Variants in ROS1 observed in about 807,000 individuals in gnomAD.
ROS1 encodes proto-oncogene tyrosine-protein kinase ROS.
In ROS1, 263 loss-of-function variants were observed where a neutral mutation model predicts 273.5. The ratio of observed to expected loss-of-function variants is 0.96; its 90% CI spans 0.87 to 1.06. The LOEUF (loss-of-function observed/expected upper bound fraction) is 1.06, where lower values mean the gene tolerates loss of function less well. Among genes scored for constraint, ROS1 ranks in the 50% least tolerant of loss-of-function variants. ROS1 has a pLI of 0.00. For synonymous variants in ROS1, 1,008 were observed against 954.1 expected, an observed-to-expected ratio of 1.06 and a Z score of -1.04; for missense variants, 2,833 against 2,751.1, an observed-to-expected ratio of 1.03 and a Z score of -0.67.
chr6:117,368,273 T>C (rs1780436208), intron 18 of ROS1, among the ~76,000 whole-genome samples: 1 of 152,150 alleles, frequency 6.6e-6, no homozygotes. Context: ...TTTGGAGTGA[T>C]AGTTTGATTT....
chr6:117,333,397 C>G (rs1777239077), intron 32 of ROS1, among the ~76,000 whole-genome samples: 1 of 152,114 alleles, frequency 6.6e-6, no homozygotes, highest in African/African-American at 2.4e-5. Context: ...GGATTCACAG[C>G]TGAATTCTAC....
Position 117,305,327 on chromosome 6 carries a change from A to G in ROS1, c.6551+3467T>C, listed in dbSNP as rs904552902. On this transcript the variant is annotated intron_variant, in intron 42 of 43. Coordinates refer to ENST00000368507, the MANE Select transcript of ROS1 (RefSeq NM_001378902.1). The stretch of plus-strand genomic sequence containing the variant: ...AAGAAGGAAGAGGAGGCCCGGGAAG[A>G]GGAAGGTGGGGGAAAAAGAAACCAT... 2.0e-5 allele frequency among the ~76,000 whole-genome samples: 3 copies of G among 152,212 alleles called. No individual in the cohort carries two copies. The East Asian group carries it at 5.8e-4, about 29-fold the overall frequency.
chr6:117,306,285 A>AT (rs1554221813), intron 42 of ROS1, among the ~76,000 whole-genome samples: 1 of 152,020 alleles, frequency 6.6e-6, no homozygotes, highest in East Asian at 1.9e-4. Flanking sequence ...AGGTGTACAT[A>AT]TTTTTTTAAG....
chr6:117,335,540 GTA>G (rs1453679954), intron 32 of ROS1, among the ~76,000 whole-genome samples: 1 of 152,130 alleles, frequency 6.6e-6, no homozygotes, highest in Non-Finnish European at 1.5e-5. Flanking sequence ...ACATGCACAT[GTA>G]TGTTTACTGC....
chr6:117,342,829 C>T (rs1261832805), intron 28 of ROS1, among the ~76,000 whole-genome samples: 2 of 152,070 alleles, frequency 1.3e-5, no homozygotes, highest in Non-Finnish European at 2.9e-5. Context: ...ATTTCATTAA[C>T]ATTGTATTAG....
rs748750515 is a variant in ROS1, at chr6:117,366,094, A to C, written c.2779T>G (p.Ser927Ala). The C allele has an allele frequency of 9.3e-6, 15 of 1,613,860 alleles. No homozygotes were observed. The South Asian group carries it at 1.6e-4, about 18-fold the overall frequency. The change falls in exon 19 of 44, where the codon TCC (serine) becomes GCC (alanine). Residue 927 changes from serine to alanine, a missense_variant. Physicochemically the swap from Ser to Ala is moderately conservative, Grantham distance 99. Coordinates refer to ENST00000368507, the MANE Select transcript of ROS1 (RefSeq NM_001378902.1). Reference sequence around the variant, plus strand: ...ACTGTACCTGGCAGGGGCTTAAGGGATGTCTGAATAATTGTGAACTGATTA... The same window carrying C: ...ACTGTACCTGGCAGGGGCTTAAGGGCTGTCTGAATAATTGTGAACTGATTA... ...RFNQFTIIQT[S>A]LKPLPGNFSF...
chr6:117,360,271 G>T, intron 23 of ROS1, 71 bp downstream of exon 23: 1 of 375,920 alleles, frequency 2.7e-6, no homozygotes. Flanking sequence ...AGACACCAAT[G>T]GGACACACAC....
At chr6:117,401,977 G>T (rs1051342064) in intron 7 of ROS1, among the ~76,000 whole-genome samples, 2 of 152,068 alleles carry the variant, frequency 1.3e-5, no homozygotes, top group Non-Finnish European at 2.9e-5. Flanking sequence ...TCTCACCTGG[G>T]TCACCACATG....
At chr6:117,347,426 C>T (rs1778468204) in intron 27 of ROS1, among the ~76,000 whole-genome samples, 1 of 152,190 alleles carries the variant, frequency 6.6e-6, no homozygotes, top group Admixed American at 6.5e-5. Flanking sequence ...GTCCTGCAAA[C>T]TTGCTATAAT....
intron 42 of ROS1, among the ~76,000 whole-genome samples, chr6:117,308,014 C>A (rs1365756600): frequency 1.3e-5 from 2 of 152,126 alleles, no homozygotes; most frequent in African/African-American, 4.8e-5. Context: ...CCTCTGTAAT[C>A]CATACAATCC....
At chr6:117,316,451 A>T (rs971381839) in intron 39 of ROS1, among the ~76,000 whole-genome samples, 1 of 151,682 alleles carries the variant, frequency 6.6e-6, no homozygotes, top group Non-Finnish European at 1.5e-5. Context: ...GACTTGTCTT[A>T]TCTTACGTGT....
intron 6 of ROS1, 146 bp downstream of exon 6, chr6:117,404,134 T>A: frequency 1.4e-6 from 1 of 703,570 alleles, no homozygotes; most frequent in African/African-American, 1.9e-5. Flanking sequence ...GGCAGGAGAA[T>A]GGTGTGAACC....
Position 117,412,631 on chromosome 6 carries a change from GATA to G in ROS1, c.255+1885_255+1887del, listed in dbSNP as rs1227280077. 2.2e-3 allele frequency among the ~76,000 whole-genome samples: 316 copies of G among 140,502 alleles called. 3 individuals carry two copies. The highest frequency in any genetic ancestry group is 8.3e-3 in the African/African-American group (309 of 37,060). 92.2% of individuals were successfully genotyped at this position (140,502 alleles called of 152,430 possible). A position where few individuals can be genotyped will look rare whatever the true frequency, so the allele number is the denominator to read the frequency against. On this transcript the variant is annotated intron_variant, in intron 4 of 43. Coordinates refer to ENST00000368507, the MANE Select transcript of ROS1 (RefSeq NM_001378902.1). ...AGATAGATAGATAGATAGATAGATA[GATA>G]TACACATAGCATGTATTCCTGTTCA...
rs1776630425 is a variant in ROS1, at chr6:117,326,150, G to A, written c.5539+74C>T. On this transcript the variant is annotated intron_variant, in intron 34 of 43. Coordinates refer to ENST00000368507, the MANE Select transcript of ROS1 (RefSeq NM_001378902.1). ...ATAGTCACCATTATCTATTGCTAAT[G>A]TTAAGAATGTACTGATATTTATTAC... 6.7e-6 allele frequency: 4 copies of A among 597,374 alleles called. No individual in the cohort carries two copies. The Middle Eastern group carries it at 1.3e-3, about 196-fold the overall frequency. 37.0% of individuals were successfully genotyped at this position (597,374 alleles called of 1,614,324 possible). A position where few individuals can be genotyped will look rare whatever the true frequency, so the allele number is the denominator to read the frequency against.
At chr6:117,393,660 G>T (rs17079123) in intron 11 of ROS1, among the ~76,000 whole-genome samples, 26,801 of 152,042 alleles carry the variant, frequency 0.18, 2,591 homozygotes, top group South Asian at 0.33. Flanking sequence ...TTCCAAAGAA[G>T]TAGAATTTGA....
intron 34 of ROS1, 32 bp from the exon 35 acceptor site, chr6:117,324,447 T>C (rs184876843): frequency 9.2e-7 from 1 of 1,085,066 alleles, no homozygotes; most frequent in Admixed American, 2.0e-5. Flanking sequence ...AGAAATTAAT[T>C]CATAGATAAA....
At chr6:117,340,981 T>C (rs1226973888) in intron 31 of ROS1, among the ~76,000 whole-genome samples, 154 bp downstream of exon 31, 2 of 152,294 alleles carry the variant, frequency 1.3e-5, no homozygotes, top group East Asian at 1.9e-4. Context: ...CAGAAATTAG[T>C]CTGGATAACT....
chr6:117,422,759 T>C (rs979666378), intron 1 of ROS1, among the ~76,000 whole-genome samples: 12 of 152,186 alleles, frequency 7.9e-5, no homozygotes, highest in African/African-American at 1.7e-4. Flanking sequence ...AAGCACATCA[T>C]GTTTGTAACA....
In ROS1 at chr6:117,404,857, G is replaced by T. The variant is rs140921129; in HGVS notation, c.317-429C>A. 1.5e-3 allele frequency among the ~76,000 whole-genome samples: 221 copies of T among 152,202 alleles called. 3 individuals are homozygous for T. The highest frequency in any genetic ancestry group is 5.2e-3 in the African/African-American group (214 of 41,512). ...AATTTTATACTCTAATTCTACTATT[G>T]CTGTGCATCTTAACAAGAAATTATT... On this transcript the variant is annotated intron_variant, in intron 5 of 43. Coordinates refer to ENST00000368507, the MANE Select transcript of ROS1 (RefSeq NM_001378902.1).
Sources: gnomAD v4.1 joint callset for allele counts (sites outside exome capture counted in the v4.1 genomes callset) on GRCh38, gnomAD v4.1.1 for gene constraint, MANE v1.5 for transcripts, NCBI Gene and HGNC (gene_info 2026-07-23, HGNC 2026-07-21) for gene names.